KAT6A: variants seen among roughly 807,000 people sequenced by gnomAD.
KAT6A encodes lysine acetyltransferase 6A.
Under a neutral mutation model 198.4 loss-of-function variants are expected in KAT6A, and 9 were observed. The observed-to-expected ratio is 0.05, with a 90% CI of 0.03 to 0.08. The LOEUF is 0.08. Among genes scored for constraint, KAT6A ranks in the 10% least tolerant of loss-of-function variants. The pLI is 1.00. For missense variants in KAT6A, 2,077 were observed against 2,509.9 expected, an observed-to-expected ratio of 0.83 and a Z score of 3.69; for synonymous variants, 890 against 883.0, an observed-to-expected ratio of 1.01 and a Z score of -0.14.
chr8:41,954,307 C>T (rs1164272883), intron 9 of KAT6A, among the ~76,000 whole-genome samples: 2 of 152,318 alleles, frequency 1.3e-5, no homozygotes, highest in South Asian at 2.1e-4. Context: ...TGTTAAGGCA[C>T]TCAACATATT....
chr8:41,978,562 A>G (rs1056678175), intron 6 of KAT6A, 80 bp downstream of exon 6: 80 of 1,440,930 alleles, frequency 5.6e-5, no homozygotes, highest in Non-Finnish European at 7.4e-5. Context: ...AATTTTTTTC[A>G]TAGAGAAAAC....
chr8:41,989,373 G>C (rs986122263), intron 2 of KAT6A, among the ~76,000 whole-genome samples: 1 of 152,062 alleles, frequency 6.6e-6, no homozygotes, highest in Non-Finnish European at 1.5e-5. Context: ...GCCAGGCGTG[G>C]TGACATGCAT....
At chr8:42,038,345 G>A (rs1827477765) in intron 2 of KAT6A, among the ~76,000 whole-genome samples, 1 of 152,134 alleles carries the variant, frequency 6.6e-6, no homozygotes, top group African/African-American at 2.4e-5. Flanking sequence ...TTCCCAAAAA[G>A]TTGTTTCAAA....
intron 2 of KAT6A, among the ~76,000 whole-genome samples, chr8:42,022,057 T>C (rs1826565406): frequency 6.6e-6 from 1 of 152,236 alleles, no homozygotes; most frequent in Non-Finnish European, 1.5e-5. Flanking sequence ...TACATTCTAA[T>C]ATACTACGGC....
At chr8:42,008,884 T>C (rs1008169897) in intron 2 of KAT6A, among the ~76,000 whole-genome samples, 33 of 152,204 alleles carry the variant, frequency 2.2e-4, no homozygotes, top group Non-Finnish European at 3.1e-4. Flanking sequence ...AAAGTCTATA[T>C]ATAGAAGACA....
intron 2 of KAT6A, among the ~76,000 whole-genome samples, chr8:42,044,983 TAA>T (rs1165808019): frequency 1.3e-5 from 2 of 152,194 alleles, no homozygotes; most frequent in Non-Finnish European, 2.9e-5. Flanking sequence ...AGAAAATAGT[TAA>T]AATACAATAA....
intron 8 of KAT6A, among the ~76,000 whole-genome samples, chr8:41,966,733 T>C (rs577927343): frequency 2.6e-5 from 4 of 152,280 alleles, no homozygotes; most frequent in South Asian, 2.1e-4. Flanking sequence ...CTCTAAGCTA[T>C]TGTCTGCTGT....
At chr8:42,046,615 C>G (rs1334565783) in intron 2 of KAT6A, among the ~76,000 whole-genome samples, 8 of 152,168 alleles carry the variant, frequency 5.3e-5, no homozygotes, top group Non-Finnish European at 1.2e-4. Flanking sequence ...ACTGATCTAA[C>G]TATAAATTAT....
rs769304001 is a variant in KAT6A at position 41,941,422 on chromosome 8, T to C, written c.2459A>G (p.Glu820Gly). 60 of 1,600,634 alleles carry C rather than the reference T, an allele frequency of 3.7e-5. No individual in the cohort carries two copies. The highest frequency in any genetic ancestry group is 4.8e-5 in the Non-Finnish European group (57 of 1,177,184). Residue 820 changes from glutamate to glycine, a missense_variant, in exon 15 of 17, where the codon GAG (glutamate) becomes GGG (glycine). Physicochemically the swap from Glu to Gly is moderately conservative, Grantham distance 98. Transcript: ENST00000265713. ...TGAATAAGAATCTTGTTCTTTGTTC[T>C]CATGAGACACAGACTTTCCCACCTG... ...EISVGKSVSH[E>G]NKEQDSYSVE... is the part of the protein sequence containing the mutation.
At chr8:42,038,824 C>T (rs1827499195) in intron 2 of KAT6A, among the ~76,000 whole-genome samples, 1 of 152,192 alleles carries the variant, frequency 6.6e-6, no homozygotes, top group African/African-American at 2.4e-5. Flanking sequence ...ACTTACTTTT[C>T]CTTAGCAGTC....
At chr8:41,994,341 G>C (rs894069930) in intron 2 of KAT6A, among the ~76,000 whole-genome samples, 6 of 152,160 alleles carry the variant, frequency 3.9e-5, no homozygotes, top group Non-Finnish European at 7.3e-5. Flanking sequence ...AAGGTACTGT[G>C]TGATCTGTAC....
chr8:41,979,551 C>T lies in KAT6A; in HGVS notation c.908-774G>A, dbSNP rs183161086. Among the ~76,000 whole-genome samples, 13 of 151,628 alleles carry T rather than the reference C, an allele frequency of 8.6e-5. No individual in the cohort carries two copies. In the East Asian group the frequency reaches 2.5e-3, roughly 29 times the overall value. On this transcript the variant is annotated intron_variant, in intron 5 of 16. Transcript: ENST00000265713. ...ACACTTTGGGAGGCCAAGGTGGGCT[C>T]CAGCCTGGGCAACAGAGTGAGATTC... is the stretch of plus-strand genomic sequence containing the variant.
chr8:42,029,251 T>A (rs1303593636), intron 2 of KAT6A, among the ~76,000 whole-genome samples: 1 of 152,220 alleles, frequency 6.6e-6, no homozygotes, highest in East Asian at 1.9e-4. Context: ...TAATGTGCCA[T>A]GGAGAACACC....
At chr8:41,959,116 G>A (rs932793997) in intron 8 of KAT6A, among the ~76,000 whole-genome samples, 11 of 145,692 alleles carry the variant, frequency 7.6e-5, no homozygotes, top group Admixed American at 4.2e-4. Context: ...AGCCCAGATC[G>A]CGCCACTGCA....
intron 1 of KAT6A, among the ~76,000 whole-genome samples, chr8:42,050,634 T>C (rs1001645957): frequency 3.3e-5 from 5 of 152,204 alleles, no homozygotes; most frequent in African/African-American, 1.2e-4. Context: ...GGGAGAATCA[T>C]GCTTCAATTT....
chr8:41,957,018 G>C (rs534635258), intron 8 of KAT6A: 4 of 551,588 alleles, frequency 7.3e-6, no homozygotes, highest in Non-Finnish European at 1.5e-5. Flanking sequence ...GCAAGGATCA[G>C]ATAGAAAGCC....
intron 14 of KAT6A, chr8:41,942,204 G>C (rs1361096244): frequency 9.3e-6 from 2 of 214,606 alleles, no homozygotes; most frequent in Non-Finnish European, 1.9e-5. Flanking sequence ...CGGCTAAAGA[G>C]ATCTGTGTGT....
At chr8:42,040,735 C>CAAAAAAAAAAAAAAAA (rs59959496) in intron 2 of KAT6A, among the ~76,000 whole-genome samples, 4 of 54,662 alleles carry the variant, frequency 7.3e-5, no homozygotes, top group Admixed American at 2.4e-4. Flanking sequence ...GACTCTGTCT[C>CAAAAAAAAAAAAAAAA]AAAAAAAAAA....
In KAT6A at chr8:41,963,987, A is replaced by C. The variant is rs146951487; in HGVS notation, c.1483-8576T>G. Among the ~76,000 whole-genome samples the C allele has an allele frequency of 1.1e-4, 17 of 152,224 alleles. No homozygotes were observed. The East Asian group carries it at 2.5e-3, about 22-fold the overall frequency. On this transcript the variant is annotated intron_variant, in intron 8 of 16. Coordinates refer to ENST00000265713, the MANE Select transcript of KAT6A (RefSeq NM_006766.5). ...CTCATCCCTTCAGCACCCTACACAAATGTCACCTCCTCTACAAAGACTTAA... is the reference window on the plus strand; with the variant it reads ...CTCATCCCTTCAGCACCCTACACAACTGTCACCTCCTCTACAAAGACTTAA...
Sources: allele counts gnomAD v4.1 joint callset (sites outside exome capture counted in the v4.1 genomes callset), GRCh38; gene constraint gnomAD v4.1.1; transcripts MANE v1.5; gene names NCBI Gene and HGNC (gene_info 2026-07-23, HGNC 2026-07-21).